Variants in BLK observed in about 807,000 individuals in gnomAD.
BLK encodes the protein BLK proto-oncogene, Src family tyrosine kinase.
Under a neutral mutation model 61.8 loss-of-function variants are expected in BLK, and 64 were observed. That is an observed-to-expected ratio of 1.03 (90% CI 0.85 to 1.27). The LOEUF is 1.27. Ranked by LOEUF, BLK falls within the 50% of genes most tolerant of loss-of-function variation. The pLI is 0.00. For missense variants in BLK, 853 were observed against 660.5 expected, an observed-to-expected ratio of 1.29 and a Z score of -3.19; for synonymous variants, 351 against 272.0, an observed-to-expected ratio of 1.29 and a Z score of -2.86.
At chr8:11,516,469 G>A (rs1004818990) in intron 1 of BLK, among the ~76,000 whole-genome samples, 5 of 152,138 alleles carry the variant, frequency 3.3e-5, no homozygotes, top group African/African-American at 9.7e-5. Context: ...CCTACTCAAG[G>A]AACATTTATT....
At chr8:11,526,531 C>G (rs377566890) in intron 1 of BLK, among the ~76,000 whole-genome samples, 5 of 152,112 alleles carry the variant, frequency 3.3e-5, no homozygotes, top group African/African-American at 1.2e-4. Context: ...CCAGCCTGGG[C>G]AAAATGATGA....
At chr8:11,498,010 C>T (rs958536029) in intron 1 of BLK, among the ~76,000 whole-genome samples, 9 of 152,350 alleles carry the variant, frequency 5.9e-5, no homozygotes, top group South Asian at 2.1e-4. Context: ...AGACGAGGCT[C>T]CTCCTTGTCC....
rs201853907 is a variant in BLK at position 11,563,956 on chromosome 8, C to T, written c.1366C>T (p.Arg456Cys). ...RNLERGYRMP[R>C]PDTCPPELYR... is the part of the protein sequence containing the mutation. ...CCTGGAGCGCGGCTACCGCATGCCG[C>T]GCCCCGACACCTGCCCGCCCGAGCT... The change falls in exon 13 of 13, where the codon CGC becomes TGC. Residue 456 changes from arginine (R) to cysteine (C), a missense_variant. By Grantham distance (180) the Arg-to-Cys change is radical. Transcript: ENST00000259089. 4.4e-5 allele frequency: 71 copies of T among 1,607,052 alleles called. No individual in the cohort carries two copies. The East Asian group carries it at 1.4e-3, about 32-fold the overall frequency.
intron 1 of BLK, among the ~76,000 whole-genome samples, chr8:11,516,407 T>G (rs1799228052): frequency 6.6e-6 from 1 of 152,118 alleles, no homozygotes; most frequent in African/African-American, 2.4e-5. Context: ...CCCCTTGCGG[T>G]GCAAAGAAAG....
intron 3 of BLK, among the ~76,000 whole-genome samples, chr8:11,546,949 A>G (rs1179493627): frequency 6.6e-6 from 1 of 152,214 alleles, no homozygotes; most frequent in Non-Finnish European, 1.5e-5. Context: ...TTTCTGGGCC[A>G]GAGGCTCCAC....
In BLK at chr8:11,556,821, C is replaced by T. The variant is rs376459589; in HGVS notation, c.936C>T (p.Thr312=). Residue 312 remains threonine (T), a synonymous_variant, in exon 9 of 13, where the codon ACC becomes ACT. Transcript: ENST00000259089. ...VVTKEPIYIV[T]EYMARGCLLD... ...CCAAGGAGCCCATCTACATTGTCAC[C>T]GAGTACATGGCCAGAGGTGGTGCCC... 2.0e-5 allele frequency: 33 copies of T among 1,613,980 alleles called. No homozygotes were observed. The highest frequency in any genetic ancestry group is 1.6e-4 in the Middle Eastern group (1 of 6,076).
At chr8:11,524,807 A>G (rs777191045) in intron 1 of BLK, among the ~76,000 whole-genome samples, 5 of 151,992 alleles carry the variant, frequency 3.3e-5, no homozygotes, top group Non-Finnish European at 7.4e-5. Flanking sequence ...AGCCCCTCAC[A>G]GGTTGCTGCA....
At chr8:11,549,559 T>C (rs34078632) in intron 5 of BLK, among the ~76,000 whole-genome samples, 74,613 of 151,982 alleles carry the variant, frequency 0.49, 19,176 homozygotes, top group East Asian at 0.93. Flanking sequence ...CCCCATCTTC[T>C]CCCATGTCCC....
intron 1 of BLK, among the ~76,000 whole-genome samples, chr8:11,495,059 G>A (rs753146458): frequency 4.6e-5 from 7 of 152,232 alleles, no homozygotes; most frequent in Non-Finnish European, 8.8e-5. Flanking sequence ...GTTTCTGAAT[G>A]AAGTTGTTCC....
chr8:11,546,657 C>T (rs1251584834), intron 3 of BLK, among the ~76,000 whole-genome samples: 2 of 152,210 alleles, frequency 1.3e-5, no homozygotes, highest in African/African-American at 2.4e-5. Flanking sequence ...CTCACTGCAA[C>T]CTCCACCTCC....
intron 6 of BLK, chr8:11,553,197 G>A (rs1800999786): frequency 1.1e-5 from 2 of 181,844 alleles, no homozygotes; most frequent in South Asian, 2.1e-4. Flanking sequence ...GCAGGGGAGT[G>A]AGTTCTACCC....
Position 11,564,191 on chromosome 8 carries a change from C to T in BLK, c.*83C>T. ...TGCCATCCCAGACGGGCCGCGAAGG[C>T]GGGGTGTCGCCTGTGCCCTTTTCTC... On this transcript the variant is annotated 3_prime_UTR_variant, in exon 13 of 13. Transcript: ENST00000259089. 1 of 1,468,384 alleles carries T rather than the reference C, an allele frequency of 6.8e-7. No homozygotes were observed. The highest frequency in any genetic ancestry group is 9.2e-7 in the Non-Finnish European group (1 of 1,087,932). 91.0% of individuals were successfully genotyped at this position (1,468,384 alleles called of 1,614,324 possible). A position where few individuals can be genotyped will look rare whatever the true frequency, so the allele number is the denominator to read the frequency against.
chr8:11,544,323 C>G (rs920207339), intron 2 of BLK, among the ~76,000 whole-genome samples: 2 of 152,116 alleles, frequency 1.3e-5, no homozygotes, highest in Non-Finnish European at 2.9e-5. Context: ...CAGTGACCCC[C>G]TTTTGGTTTG....
intron 1 of BLK, among the ~76,000 whole-genome samples, chr8:11,539,623 A>T (rs965033565): frequency 6.6e-6 from 1 of 152,220 alleles, no homozygotes; most frequent in African/African-American, 2.4e-5. Flanking sequence ...CCTTTAAAAG[A>T]ATTTAAAAGA....
At chr8:11,543,190 C>T (rs529755807) in intron 1 of BLK, 34 bp from the exon 2 acceptor site, 3 of 1,613,128 alleles carry the variant, frequency 1.9e-6, no homozygotes, top group Non-Finnish European at 2.5e-6. Context: ...GCCCCGCTCT[C>T]TCATGTCCTC....
At chr8:11,561,545 G>A in intron 11 of BLK, 93 bp downstream of exon 11, 1 of 1,495,362 alleles carries the variant, frequency 6.7e-7, no homozygotes, top group Non-Finnish European at 9.1e-7. Context: ...ACAGCCCTGA[G>A]GGAAGACACC....
rs762653126 is a variant in BLK at position 11,556,748 on chromosome 8, T to C, written c.863T>C (p.Met288Thr). 6.8e-6 allele frequency: 11 copies of C among 1,614,102 alleles called. No homozygotes were observed. Among genetic ancestry groups the C allele is most frequent in the East Asian group, 2.2e-5 (1 of 44,896 alleles). Reference sequence around the variant, plus strand: ...GCCTTTCTGGGTGAGGCCAACGTGATGAAGGCTCTGCAGCACGAGCGGCTG... The same window carrying C: ...GCCTTTCTGGGTGAGGCCAACGTGACGAAGGCTCTGCAGCACGAGCGGCTG... ...PEAFLGEANV[M>T]KALQHERLVR... Residue 288 changes from methionine to threonine, a missense_variant, in exon 9 of 13, where the codon ATG (methionine) becomes ACG (threonine). Transcript: ENST00000259089.
Position 11,564,033 on chromosome 8 carries a change from C to T in BLK, c.1443C>T (p.Pro481=). The T allele has an allele frequency of 1.2e-6, 2 of 1,604,314 alleles. No individual in the cohort carries two copies. The highest frequency in any genetic ancestry group is 1.7e-6 in the Non-Finnish European group (2 of 1,178,710). Residue 481 remains proline, a synonymous_variant, in exon 13 of 13, where the codon CCC becomes CCT. Transcript: ENST00000259089. ...GGCGCAGCCGGCCCGAGGAGCGGCCCACCTTCGAGTTCCTGCAGTCGGTGC... is the reference window on the plus strand; with the variant it reads ...GGCGCAGCCGGCCCGAGGAGCGGCCTACCTTCGAGTTCCTGCAGTCGGTGC... ...ECWRSRPEER[P]TFEFLQSVLE... is the part of the protein sequence containing the mutation.
At chr8:11,520,881 T>C (rs1045002243) in intron 1 of BLK, among the ~76,000 whole-genome samples, 1 of 152,110 alleles carries the variant, frequency 6.6e-6, no homozygotes, top group South Asian at 2.1e-4. Flanking sequence ...AACAATAACA[T>C]TAGCAATGCC....
Sources: allele counts gnomAD v4.1 joint callset (sites outside exome capture counted in the v4.1 genomes callset), GRCh38; gene constraint gnomAD v4.1.1; transcripts MANE v1.5; gene names NCBI Gene and HGNC (gene_info 2026-07-23, HGNC 2026-07-21).